Variants in SPMIP6 observed in about 807,000 individuals in gnomAD.
SPMIP6 encodes ciliated bronchial epithelial protein 1.
the SPMIP6 span, among the ~76,000 whole-genome samples, chr9:34,387,581 C>T: frequency 4.6e-5 from 7 of 152,146 alleles, no homozygotes; most frequent in Non-Finnish European, 1.0e-4. Flanking sequence ...TTCATACATA[C>T]ACACTCAGAT....
At chr9:34,390,582 C>G in the SPMIP6 span, among the ~76,000 whole-genome samples, 17 of 152,140 alleles carry the variant, frequency 1.1e-4, no homozygotes, top group African/African-American at 4.1e-4. Context: ...GTAACCATCA[C>G]AAATTATTTT....
At chr9:34,390,421 G>A in the SPMIP6 span, among the ~76,000 whole-genome samples, 1 of 151,986 alleles carries the variant, frequency 6.6e-6, no homozygotes, top group South Asian at 2.1e-4. Flanking sequence ...CACTCAAACT[G>A]TACAGTTCAA....
the SPMIP6 span, among the ~76,000 whole-genome samples, chr9:34,397,126 T>C: frequency 6.6e-6 from 1 of 152,244 alleles, no homozygotes; most frequent in South Asian, 2.1e-4. Context: ...CAGGTCTTCA[T>C]GTGGCTAGTT....
At chr9:34,397,656 G>A in the SPMIP6 span, 28 of 1,566,840 alleles carry the variant, frequency 1.8e-5, no homozygotes, top group Non-Finnish European at 2.3e-5. Context: ...GAGATGCCGT[G>A]GTGGGCTCTA....
At chr9:34,384,760 A>G in the SPMIP6 span, among the ~76,000 whole-genome samples, 1 of 152,222 alleles carries the variant, frequency 6.6e-6, no homozygotes, top group South Asian at 2.1e-4. Context: ...GACAGATTAT[A>G]TTATATCCAA....
At chr9:34,387,202 T>A in the SPMIP6 span, among the ~76,000 whole-genome samples, 10 of 152,184 alleles carry the variant, frequency 6.6e-5, no homozygotes, top group African/African-American at 2.4e-4. Context: ...AGTTTCACCA[T>A]GTTGCCCAGG....
the SPMIP6 span, chr9:34,382,623 G>A: frequency 1.9e-5 from 13 of 689,604 alleles, no homozygotes; most frequent in African/African-American, 9.0e-5. Flanking sequence ...TCACAGATGC[G>A]GAAGAGCTCT....
chr9:34,380,635 G>A, the SPMIP6 span: 6 of 1,519,218 alleles, frequency 3.9e-6, no homozygotes, highest in Non-Finnish European at 5.3e-6. Flanking sequence ...ATATAGAGAG[G>A]CCAGGTTGAC....
At chr9:34,391,507 C>G in the SPMIP6 span, among the ~76,000 whole-genome samples, 1,105 of 152,234 alleles carry the variant, frequency 7.3e-3, 4 homozygotes, top group Non-Finnish European at 0.013. Flanking sequence ...TTTTTTTAGA[C>G]AAGGATTTAG....
chr9:34,381,436 C>A, the SPMIP6 span: 1 of 1,614,068 alleles, frequency 6.2e-7, no homozygotes, highest in Non-Finnish European at 8.5e-7. The surrounding 1 kb of genome is among the most constrained non-coding windows in gnomAD (Gnocchi z 4.4). Flanking sequence ...CTGTCTCCAT[C>A]CTGGCCTCCT....
At chr9:34,385,601 G>C in the SPMIP6 span, 1 of 1,602,710 alleles carries the variant, frequency 6.2e-7, no homozygotes, top group South Asian at 1.1e-5. Context: ...TCAGGTTGGG[G>C]GTCATTTTAG....
chr9:34,380,551 G>A, the SPMIP6 span: 1 of 1,252,810 alleles, frequency 8.0e-7, no homozygotes, highest in Non-Finnish European at 1.1e-6. Context: ...GCAGGGCCAA[G>A]GAGATGGGGG....
At chr9:34,381,115 C>T in the SPMIP6 span, 1 of 1,599,702 alleles carries the variant, frequency 6.3e-7, no homozygotes, top group South Asian at 1.1e-5. The surrounding 1 kb of genome is among the most constrained non-coding windows in gnomAD (Gnocchi z 4.4). Context: ...TCAGCATGTT[C>T]ACCATCACTT....
the SPMIP6 span, chr9:34,397,574 C>A: frequency 6.2e-7 from 1 of 1,613,674 alleles, no homozygotes. Flanking sequence ...AGGTGGGAGC[C>A]CTGTAGGAGT....
At chr9:34,379,588 C>T in the SPMIP6 span, 5 of 1,485,420 alleles carry the variant, frequency 3.4e-6, no homozygotes, top group Admixed American at 8.4e-5. The surrounding 1 kb of genome is among the most constrained non-coding windows in gnomAD (Gnocchi z 4.2). Flanking sequence ...TCCCCCAGCC[C>T]CGCCTCACCA....
chr9:34,397,298 CT>C, the SPMIP6 span, among the ~76,000 whole-genome samples: 98 of 152,272 alleles, frequency 6.4e-4, no homozygotes, highest in Non-Finnish European at 1.2e-3. Context: ...TATTATCTGC[CT>C]GTTCCTACCT....
the SPMIP6 span, chr9:34,397,631 C>G: frequency 6.2e-7 from 1 of 1,601,138 alleles, no homozygotes; most frequent in Non-Finnish European, 8.5e-7. Context: ...AGAACAGGAA[C>G]ATGGTGTGGT....
the SPMIP6 span, among the ~76,000 whole-genome samples, chr9:34,392,553 T>C: frequency 2.6e-5 from 4 of 152,026 alleles, no homozygotes; most frequent in Non-Finnish European, 5.9e-5. This position sits in a 1 kb window ranked among gnomAD's most constrained non-coding sequence, Gnocchi z 4.6. Context: ...TCAGTCAAAT[T>C]TGGATCAGAG....
the SPMIP6 span, among the ~76,000 whole-genome samples, chr9:34,390,818 C>T: frequency 1.6e-4 from 25 of 152,000 alleles, no homozygotes; most frequent in African/African-American, 5.6e-4. Context: ...ACGGGGGTCT[C>T]ACTATGTTGC....
Sources: gnomAD v4.1 joint callset for allele counts (sites outside exome capture counted in the v4.1 genomes callset) on GRCh38, gnomAD v4.1.1 for gene constraint, Gnocchi (gnomAD v3.1) non-coding constraint, MANE v1.5 for transcripts, NCBI Gene and HGNC (gene_info 2026-07-23, HGNC 2026-07-21) for gene names.